NRXN1: variants seen among roughly 807,000 people sequenced by gnomAD.
NRXN1 encodes neurexin-1.
A neutral mutation model predicts 150.9 loss-of-function variants in NRXN1; 39 were observed. The ratio of observed to expected loss-of-function variants is 0.26; its 90% CI spans 0.20 to 0.34. The LOEUF is 0.34. Ranked by LOEUF, NRXN1 falls within the 10% of genes least tolerant of loss-of-function variation. NRXN1 has a pLI of 1.00. For synonymous variants in NRXN1, 924 were observed against 757.0 expected, an observed-to-expected ratio of 1.22 and a Z score of -3.62; for missense variants, 1,815 against 1,949.9, an observed-to-expected ratio of 0.93 and a Z score of 1.30.
intron 2 of NRXN1, among the ~76,000 whole-genome samples, chr2:50,952,326 A>C (rs970264976): frequency 1.3e-5 from 2 of 152,312 alleles, no homozygotes; most frequent in South Asian, 4.1e-4. Context: ...TTTCTCACAC[A>C]TACAAATACA....
chr2:50,004,477 T>C (rs1363141361), intron 21 of NRXN1, among the ~76,000 whole-genome samples: 1 of 152,162 alleles, frequency 6.6e-6, no homozygotes, highest in African/African-American at 2.4e-5. Context: ...GTGGTTGCTG[T>C]AGTTTTCTTG....
chr2:49,951,461 G>A (rs1412644917), intron 21 of NRXN1, among the ~76,000 whole-genome samples: 1 of 151,842 alleles, frequency 6.6e-6, no homozygotes. Flanking sequence ...AAACTTTCAG[G>A]AAGCCATGGA....
At chr2:50,849,123 T>A (rs557783044) in intron 5 of NRXN1, among the ~76,000 whole-genome samples, 2 of 152,288 alleles carry the variant, frequency 1.3e-5, no homozygotes, top group Admixed American at 6.5e-5. Flanking sequence ...ATTGCCAGCA[T>A]CTCCAGAATG....
chr2:50,658,481 A>T (rs1277735551), intron 5 of NRXN1, among the ~76,000 whole-genome samples: 2 of 150,186 alleles, frequency 1.3e-5, no homozygotes, highest in Admixed American at 6.7e-5. Flanking sequence ...GAAATTATCT[A>T]AATTATTCTT....
intron 18 of NRXN1, among the ~76,000 whole-genome samples, chr2:50,219,957 T>TA (rs1559115586): frequency 3.0e-4 from 16 of 53,860 alleles, no homozygotes; most frequent in African/African-American, 2.5e-3. Flanking sequence ...ATATATAATA[T>TA]ATATATTATA....
chr2:50,040,302 T>C lies in NRXN1; in HGVS notation c.4128+12969A>G, dbSNP rs147946598. Among the ~76,000 whole-genome samples, 868 of 151,498 alleles carry C rather than the reference T, an allele frequency of 5.7e-3. 6 individuals are homozygous for C. The highest frequency in any genetic ancestry group is 0.02 in the African/African-American group (813 of 41,422). On this transcript the variant is annotated intron_variant, in intron 21 of 22. Coordinates refer to ENST00000401669, the MANE Select transcript of NRXN1 (RefSeq NM_001330078.2). ...AACAAGAAATTAGATGCAACTATAT[T>C]ACTTAAAGCAACAAAATTTATATAT...
At chr2:50,620,784 G>T (rs896053275) in intron 7 of NRXN1, among the ~76,000 whole-genome samples, 7 of 152,166 alleles carry the variant, frequency 4.6e-5, no homozygotes, top group Non-Finnish European at 1.0e-4. Flanking sequence ...AAGAAAACAG[G>T]GAGAACCAAA....
At chr2:49,974,038 T>G (rs2152499007) in intron 21 of NRXN1, 1 of 717,420 alleles carries the variant, frequency 1.4e-6, no homozygotes, top group African/African-American at 1.7e-5. Context: ...AGCTTTTTTC[T>G]TAATTCTTAA....
chr2:50,858,988 C>T (rs990674918), intron 5 of NRXN1, among the ~76,000 whole-genome samples: 3 of 152,004 alleles, frequency 2.0e-5, no homozygotes, highest in African/African-American at 7.2e-5. Flanking sequence ...ATTAACAGCC[C>T]GGCCTGTAAA....
chr2:50,438,490 C>T (rs868281945), intron 17 of NRXN1, among the ~76,000 whole-genome samples: 1 of 152,320 alleles, frequency 6.6e-6, no homozygotes, highest in African/African-American at 2.4e-5. Flanking sequence ...CAGAAAATGG[C>T]AGGCTACTGC....
At chr2:50,515,181 G>C (rs1251199654) in intron 12 of NRXN1, among the ~76,000 whole-genome samples, 1 of 152,130 alleles carries the variant, frequency 6.6e-6, no homozygotes, top group Non-Finnish European at 1.5e-5. Context: ...ACCCTATTGT[G>C]AACTGCACAT....
chr2:50,037,500 C>T (rs569793039), intron 21 of NRXN1, among the ~76,000 whole-genome samples: 18 of 152,120 alleles, frequency 1.2e-4, no homozygotes, highest in African/African-American at 4.1e-4. Context: ...TCTGGGTTTT[C>T]TTCATTGATA....
intron 18 of NRXN1, among the ~76,000 whole-genome samples, chr2:50,099,204 G>C (rs994593624): frequency 1.3e-5 from 2 of 151,906 alleles, no homozygotes; most frequent in Admixed American, 6.6e-5. Context: ...ACTGCCTTAG[G>C]TGTTAGTTTT....
chr2:50,151,828 T>A (rs1490024245), intron 18 of NRXN1, among the ~76,000 whole-genome samples: 2 of 151,726 alleles, frequency 1.3e-5, no homozygotes, highest in African/African-American at 4.8e-5. Flanking sequence ...TTTTATGGTA[T>A]GAAAACTATA....
intron 22 of NRXN1, among the ~76,000 whole-genome samples, chr2:49,940,584 A>G (rs1470605703): frequency 6.6e-6 from 1 of 152,250 alleles, no homozygotes; most frequent in Non-Finnish European, 1.5e-5. Context: ...AAACAAACAG[A>G]AAAACACAAC....
At chr2:50,618,813 C>G (rs1214692641) in intron 8 of NRXN1, among the ~76,000 whole-genome samples, 2 of 151,354 alleles carry the variant, frequency 1.3e-5, no homozygotes, top group Admixed American at 1.3e-4. Context: ...TTATCATCCT[C>G]TACAGAGCTT....
chr2:50,077,147 A>G (rs1697236493), intron 19 of NRXN1, among the ~76,000 whole-genome samples: 1 of 152,160 alleles, frequency 6.6e-6, no homozygotes, highest in African/African-American at 2.4e-5. Context: ...TAAATAAGGT[A>G]TGTAAAATAA....
intron 17 of NRXN1, among the ~76,000 whole-genome samples, chr2:50,295,481 G>A (rs1414353444): frequency 6.6e-6 from 1 of 151,748 alleles, no homozygotes; most frequent in Non-Finnish European, 1.5e-5. Flanking sequence ...ACCATCTTTA[G>A]CAAAAAAAAT....
intron 5 of NRXN1, among the ~76,000 whole-genome samples, chr2:50,898,219 A>T (rs2103917514): frequency 6.6e-6 from 1 of 152,280 alleles, no homozygotes; most frequent in South Asian, 2.1e-4. Context: ...TCATCTTCAA[A>T]CTTTTTCCTC....
Sources: gnomAD v4.1 joint callset for allele counts (sites outside exome capture counted in the v4.1 genomes callset) on GRCh38, gnomAD v4.1.1 for gene constraint, MANE v1.5 for transcripts, NCBI Gene and HGNC (gene_info 2026-07-23, HGNC 2026-07-21) for gene names.